The following GRM8 variants were observed in gnomAD, a reference collection of about 807,000 sequenced individuals.
The protein encoded by GRM8 is metabotropic glutamate receptor 8.
GRM8 carries 47 observed loss-of-function variants against 87.2 expected under a neutral mutation model. The observed-to-expected ratio is 0.54, with a 90% CI of 0.43 to 0.69. The LOEUF (loss-of-function observed/expected upper bound fraction) is 0.69, where lower values mean the gene tolerates loss of function less well. Among genes scored for constraint, GRM8 ranks in the 30% least tolerant of loss-of-function variants. The pLI, the probability that GRM8 is intolerant of heterozygous loss-of-function variation, is 0.00. For missense variants in GRM8, 1,019 were observed against 1,139.2 expected (o/e 0.89, Z 1.52); for synonymous variants, 396 against 404.5 (o/e 0.98, Z 0.25).
intron 8 of GRM8, among the ~76,000 whole-genome samples, chr7:126,560,586 G>A (rs1398993195): frequency 6.6e-6 from 1 of 152,146 alleles, no homozygotes; most frequent in East Asian, 1.9e-4. Context: ...CTGTTTTTGT[G>A]TAGGAACACA....
Position 126,533,343 on chromosome 7 carries a change from C to G in GRM8, c.2039G>C (p.Gly680Ala). 1 of 1,613,690 alleles carries G rather than the reference C, an allele frequency of 6.2e-7. No individual in the cohort carries two copies. The highest frequency in any genetic ancestry group is 8.5e-7 in the Non-Finnish European group (1 of 1,179,834). Residue 680 changes from glycine to alanine, a missense_variant, in exon 9 of 11, where the codon GGG becomes GCG. Gly to Ala is a moderately conservative substitution (Grantham distance 60). Coordinates refer to ENST00000339582, the MANE Select transcript of GRM8 (RefSeq NM_000845.3). Reference protein sequence around the residue: ...TNRIHRIFEQGKKSVTAPKFI... With the variant: ...TNRIHRIFEQAKKSVTAPKFI... ...CTTGGGCGCTGTGACAGATTTCTTCCCCTGCTCAAATATTCGGTGGATACG... is the reference window on the plus strand; with the variant it reads ...CTTGGGCGCTGTGACAGATTTCTTCGCCTGCTCAAATATTCGGTGGATACG...
At chr7:127,234,803 G>T (rs890066059) in intron 2 of GRM8, among the ~76,000 whole-genome samples, 1 of 152,290 alleles carries the variant, frequency 6.6e-6, no homozygotes, top group South Asian at 2.1e-4. Flanking sequence ...CTGAGCACAG[G>T]ACAGCCTTCA....
chr7:126,688,034 C>T (rs1339920603), intron 7 of GRM8, among the ~76,000 whole-genome samples: 1 of 152,114 alleles, frequency 6.6e-6, no homozygotes, highest in African/African-American at 2.4e-5. Context: ...AGACCATATA[C>T]AAGCATTTCA....
Position 127,027,933 on chromosome 7 carries a change from G to A in GRM8, c.727+78563C>T, listed in dbSNP as rs1455486049. On this transcript the variant is annotated intron_variant, in intron 3 of 10. Coordinates refer to ENST00000339582, the MANE Select transcript of GRM8 (RefSeq NM_000845.3). ...TTGGTTTTCAAAGGGAATGACTCCAGTTTTTGCCCATTCACTACAATATTG... is the reference window on the plus strand; with the variant it reads ...TTGGTTTTCAAAGGGAATGACTCCAATTTTTGCCCATTCACTACAATATTG... Among the ~76,000 whole-genome samples, 3 of 152,142 alleles carry A rather than the reference G, an allele frequency of 2.0e-5. No individual in the cohort carries two copies. In the East Asian group the frequency reaches 5.8e-4, roughly 29 times the overall value.
At chr7:127,045,139 A>G (rs1818804528) in intron 3 of GRM8, among the ~76,000 whole-genome samples, 1 of 152,056 alleles carries the variant, frequency 6.6e-6, no homozygotes, top group African/African-American at 2.4e-5. Flanking sequence ...TCTTTTATCA[A>G]CTCAAATGCA....
intron 3 of GRM8, among the ~76,000 whole-genome samples, chr7:126,993,345 A>C (rs1187731198): frequency 6.6e-6 from 1 of 152,226 alleles, no homozygotes; most frequent in Non-Finnish European, 1.5e-5. Context: ...AATGTCATTC[A>C]GCCATGAAAA....
intron 6 of GRM8, among the ~76,000 whole-genome samples, chr7:126,874,723 A>G (rs1799392226): frequency 6.6e-6 from 1 of 152,148 alleles, no homozygotes; most frequent in Non-Finnish European, 1.5e-5. Flanking sequence ...CCCTTGCTTC[A>G]GTAAGCTTCT....
chr7:127,215,669 T>C (rs1482432363), intron 2 of GRM8, among the ~76,000 whole-genome samples: 1 of 152,250 alleles, frequency 6.6e-6, no homozygotes, highest in East Asian at 1.9e-4. Context: ...CTTAGCTACA[T>C]ATTTAAAAGG....
At chr7:126,950,740 A>G (rs1475852925) in intron 3 of GRM8, among the ~76,000 whole-genome samples, 3 of 152,050 alleles carry the variant, frequency 2.0e-5, no homozygotes, top group African/African-American at 7.2e-5. Flanking sequence ...TATCATTCCT[A>G]TTGTATAAAT....
intron 3 of GRM8, among the ~76,000 whole-genome samples, chr7:126,965,248 G>T (rs545008481): frequency 2.0e-5 from 3 of 151,830 alleles, no homozygotes; most frequent in African/African-American, 7.3e-5. Context: ...ACCATGACAC[G>T]AATATACTTA....
At chr7:126,914,566 C>A (rs1592372) in intron 3 of GRM8, among the ~76,000 whole-genome samples, 25,800 of 152,252 alleles carry the variant, frequency 0.17, 2,269 homozygotes, top group East Asian at 0.27. Flanking sequence ...GGTAGCTATA[C>A]ACTGTGTAAT....
intron 8 of GRM8, among the ~76,000 whole-genome samples, chr7:126,579,343 T>C (rs1051208488): frequency 2.0e-5 from 3 of 152,202 alleles, no homozygotes; most frequent in Non-Finnish European, 4.4e-5. Flanking sequence ...AACAATTCTA[T>C]AGTATTTTGA....
At chr7:126,592,548 G>C (rs1288927209) in intron 8 of GRM8, among the ~76,000 whole-genome samples, 1 of 151,974 alleles carries the variant, frequency 6.6e-6, no homozygotes, top group African/African-American at 2.4e-5. Flanking sequence ...CATTTCAATA[G>C]ATGCAGATAA....
chr7:126,465,800 T>C (rs1360397062), intron 9 of GRM8, among the ~76,000 whole-genome samples: 1 of 151,876 alleles, frequency 6.6e-6, no homozygotes, highest in African/African-American at 2.4e-5. Context: ...TTTTTCTTTT[T>C]ATTGTCTTGC....
chr7:127,103,516 G>C (rs77087153), intron 3 of GRM8, among the ~76,000 whole-genome samples: 1,735 of 152,234 alleles, frequency 0.011, 37 homozygotes, highest in African/African-American at 0.038. Context: ...ATAGAACCAT[G>C]AGCCAATAAA....
chr7:127,188,753 G>A (rs1484962454), intron 2 of GRM8, among the ~76,000 whole-genome samples: 1 of 152,112 alleles, frequency 6.6e-6, no homozygotes, highest in Non-Finnish European at 1.5e-5. Context: ...AATTCACTTT[G>A]TCCAGGGAGT....
At chr7:126,494,556 T>C (rs73447010) in intron 9 of GRM8, among the ~76,000 whole-genome samples, 1 of 152,016 alleles carries the variant, frequency 6.6e-6, no homozygotes, top group Non-Finnish European at 1.5e-5. Flanking sequence ...AGTAACTGAT[T>C]GCAAGCACTT....
At chr7:126,590,244 T>C (rs925055629) in intron 8 of GRM8, among the ~76,000 whole-genome samples, 18 of 151,640 alleles carry the variant, frequency 1.2e-4, no homozygotes, top group Non-Finnish European at 1.9e-4. Flanking sequence ...GCACTGAAAG[T>C]CTCAGCAATA....
At chr7:126,469,731 TA>T (rs1804936373) in intron 9 of GRM8, among the ~76,000 whole-genome samples, 1 of 152,176 alleles carries the variant, frequency 6.6e-6, no homozygotes, top group African/African-American at 2.4e-5. Flanking sequence ...GTGTGTCAAT[TA>T]AACCTCTTCC....
Sources: allele counts gnomAD v4.1 joint callset (sites outside exome capture counted in the v4.1 genomes callset), GRCh38; gene constraint gnomAD v4.1.1; transcripts MANE v1.5; gene names NCBI Gene and HGNC (gene_info 2026-07-23, HGNC 2026-07-21).